CPNE8: variants seen among roughly 807,000 people sequenced by gnomAD.
The protein encoded by CPNE8 is copine 8.
A neutral mutation model predicts 81.5 loss-of-function variants in CPNE8; 45 were observed. The observed-to-expected ratio is 0.55, with a 90% confidence interval of 0.44 to 0.71. CPNE8 has a LOEUF of 0.71. Among genes scored for constraint, CPNE8 ranks in the 30% least tolerant of loss-of-function variants. The pLI is 0.00. For synonymous variants in CPNE8, 252 were observed against 226.3 expected, an observed-to-expected ratio of 1.11 and a Z score of -1.02; for missense variants, 594 against 672.1, an observed-to-expected ratio of 0.88 and a Z score of 1.28.
At chr12:38,884,954 C>G (rs1025938254) in intron 1 of CPNE8, among the ~76,000 whole-genome samples, 1 of 152,072 alleles carries the variant, frequency 6.6e-6, no homozygotes, top group Non-Finnish European at 1.5e-5. Flanking sequence ...TGAGATTTAA[C>G]TCTACAGTCT....
intron 10 of CPNE8, among the ~76,000 whole-genome samples, chr12:38,736,014 T>A (rs1316930131): frequency 1.3e-5 from 2 of 151,882 alleles, no homozygotes; most frequent in Admixed American, 6.6e-5. Flanking sequence ...TAGATTACAA[T>A]AGTACTCTGG....
At position 38,905,530 on chromosome 12, in the gene CPNE8, T is replaced by C; in HGVS notation, c.5A>G (p.Asp2Gly). 5 of 1,562,960 alleles carry C rather than the reference T, an allele frequency of 3.2e-6. No homozygotes were observed. Among genetic ancestry groups the C allele is most frequent in the Non-Finnish European group, 4.3e-6 (5 of 1,153,808 alleles). The change falls in exon 1 of 20, where the codon GAC becomes GGC. Residue 2 changes from aspartate to glycine, a missense_variant. Asp to Gly is a moderately conservative substitution (Grantham distance 94). Transcript: ENST00000331366. M[D>G]SRYNSTAGIG... ...GCCCGCAGTGCTGTTGTAGCGGCTG[T>C]CCATATTGGGAGGAGGCGCCTTGGA... is the stretch of plus-strand genomic sequence containing the variant.
chr12:38,655,441 T>C (rs1436962807), intron 19 of CPNE8, among the ~76,000 whole-genome samples: 3 of 152,182 alleles, frequency 2.0e-5, no homozygotes, highest in Admixed American at 2.0e-4. Context: ...CAGTAATTTT[T>C]GGTCTTCAGA....
intron 15 of CPNE8, among the ~76,000 whole-genome samples, chr12:38,693,447 G>A (rs1939723525): frequency 6.6e-6 from 1 of 152,088 alleles, no homozygotes; most frequent in South Asian, 2.1e-4. Context: ...TTGTAAATCA[G>A]GTGGGTGCAC....
chr12:38,724,888 G>C lies in CPNE8; in HGVS notation c.810C>G (p.Pro270=). The C allele has an allele frequency of 6.6e-7, 1 of 1,517,798 alleles. No homozygotes were observed. The highest frequency in any genetic ancestry group is 9.1e-7 in the Non-Finnish European group (1 of 1,103,464). 94.0% of individuals were successfully genotyped at this position (1,517,798 alleles called of 1,614,324 possible). A position where few individuals can be genotyped will look rare whatever the true frequency, so the allele number is the denominator to read the frequency against. ...ATTTTTTCTTTTTTCCTTTCTTTTT[G>C]GGATTCACCACCTTAAAAAGCAGAT... ...SQFNVYEVVN[P]KKKGKKKKYT... Residue 270 remains proline, a synonymous_variant, in exon 12 of 20, where the codon CCC becomes CCG. Coordinates refer to ENST00000331366, the MANE Select transcript of CPNE8 (RefSeq NM_153634.3).
intron 14 of CPNE8, among the ~76,000 whole-genome samples, chr12:38,702,394 T>C (rs187712445): frequency 1.3e-5 from 2 of 152,272 alleles, no homozygotes; most frequent in East Asian, 3.9e-4. Flanking sequence ...CATAAGTAAT[T>C]ATTAAAAATT....
chr12:38,902,423 A>AAGAAAGAAAGAAAGAAAG (rs1944503868), intron 1 of CPNE8, among the ~76,000 whole-genome samples: 1 of 118,088 alleles, frequency 8.5e-6, no homozygotes, highest in Non-Finnish European at 1.6e-5. Flanking sequence ...AAGAAAAAGA[A>AAGAAAGAAAGAAAGAAAG]AGAAAGAAAG....
At chr12:38,874,634 C>T in intron 1 of CPNE8, 123 bp from the exon 2 acceptor site, 1 of 556,258 alleles carries the variant, frequency 1.8e-6, no homozygotes, top group Non-Finnish European at 3.2e-6. Context: ...CATACACACA[C>T]ATATACATAT....
At position 38,684,897 on chromosome 12, in the gene CPNE8, T is replaced by C. The variant is rs536374250; in HGVS notation, c.1271+593A>G. Among the ~76,000 whole-genome samples the C allele has an allele frequency of 1.8e-4, 28 of 152,286 alleles. No individual in the cohort carries two copies. The South Asian group carries it at 5.8e-3, about 32-fold the overall frequency. On this transcript the variant is annotated intron_variant, in intron 16 of 19. Coordinates refer to ENST00000331366, the MANE Select transcript of CPNE8 (RefSeq NM_153634.3). ...TGTACTAACGAAAAAATGATAAGTA[T>C]GTATAGATTTATTTTTAACATTTTA...
At chr12:38,707,845 T>C (rs1384440109) in intron 13 of CPNE8, among the ~76,000 whole-genome samples, 1 of 152,188 alleles carries the variant, frequency 6.6e-6, no homozygotes, top group Non-Finnish European at 1.5e-5. Flanking sequence ...CCATTGAGAT[T>C]TTTCTACTTA....
intron 7 of CPNE8, among the ~76,000 whole-genome samples, chr12:38,768,320 A>T (rs897012425): frequency 6.6e-6 from 1 of 152,112 alleles, no homozygotes; most frequent in Non-Finnish European, 1.5e-5. Flanking sequence ...CTGAAATTAC[A>T]ATTTGCATGT....
intron 1 of CPNE8, among the ~76,000 whole-genome samples, chr12:38,888,902 T>A: frequency 6.6e-6 from 1 of 152,234 alleles, no homozygotes; most frequent in East Asian, 1.9e-4. Context: ...CCAGCCATGG[T>A]TCCTGTTCAT....
rs201179584 is a variant in CPNE8 at position 38,853,619 on chromosome 12, G to A, written c.187-4957C>T. ...AAATTTGTTAAAACCAGAAAACACT[G>A]TTCCTTTTAAAATTCCAAGCAAAAA... On this transcript the variant is annotated intron_variant, in intron 3 of 19. Transcript: ENST00000331366. Among the ~76,000 whole-genome samples the A allele has an allele frequency of 4.6e-5, 7 of 152,144 alleles. No homozygotes were observed. The East Asian group carries it at 1.3e-3, about 29-fold the overall frequency.
At chr12:38,713,838 T>C (rs1940321045) in intron 13 of CPNE8, among the ~76,000 whole-genome samples, 1 of 152,116 alleles carries the variant, frequency 6.6e-6, no homozygotes, top group Admixed American at 6.6e-5. Context: ...TTTCAAAGGA[T>C]AAAAATGACA....
rs12322751 is a variant in CPNE8 at position 38,780,620 on chromosome 12, C to T, written c.408-4319G>A. On this transcript the variant is annotated intron_variant, in intron 6 of 19. Transcript: ENST00000331366. Reference sequence around the variant, plus strand: ...CCAGACAGAAAAGACAGATGATCGACAAAGATATGATCTACAAAGATTAAA... The same window carrying T: ...CCAGACAGAAAAGACAGATGATCGATAAAGATATGATCTACAAAGATTAAA... Among the ~76,000 whole-genome samples the T allele has an allele frequency of 5.1e-3, 771 of 151,956 alleles. 8 individuals carry two copies. The highest frequency in any genetic ancestry group is 0.018 in the African/African-American group (743 of 41,506).
At chr12:38,684,602 G>C (rs552604421) in intron 16 of CPNE8, among the ~76,000 whole-genome samples, 2 of 152,056 alleles carry the variant, frequency 1.3e-5, no homozygotes, top group African/African-American at 2.4e-5. Context: ...CATTTTGTCC[G>C]TGTCCCAGAT....
In CPNE8 at chr12:38,842,237, T is replaced by C. The variant is rs947747574; in HGVS notation, c.291-2282A>G. ...AAGAAATGTTTCTTATATAAGAAAA[T>C]TTTTTTAAAGGTAAGATTGAAATTA... On this transcript the variant is annotated intron_variant, in intron 4 of 19. Transcript: ENST00000331366. 2.6e-5 allele frequency among the ~76,000 whole-genome samples: 4 copies of C among 152,134 alleles called. No homozygotes were observed. In the South Asian group the frequency reaches 8.3e-4, roughly 32 times the overall value.
Position 38,685,594 on chromosome 12 carries a change from G to A in CPNE8, c.1167C>T (p.Tyr389=). 1 of 1,613,380 alleles carries A rather than the reference G, an allele frequency of 6.2e-7. No individual in the cohort carries two copies. Among genetic ancestry groups the A allele is most frequent in the Non-Finnish European group, 8.5e-7 (1 of 1,179,548 alleles). The change falls in exon 16 of 20, where the codon TAC becomes TAT. Residue 389 remains tyrosine, a synonymous_variant. Coordinates refer to ENST00000331366, the MANE Select transcript of CPNE8 (RefSeq NM_153634.3). ...FALNGNPQNP[Y]CDGIEGVMEA... is the part of the protein sequence containing the mutation. The stretch of plus-strand genomic sequence containing the variant: ...CCATGACCCCCTCAATGCCATCACA[G>A]TAGGGGTTTTGAGGATTCCCATTCT...
intron 19 of CPNE8, among the ~76,000 whole-genome samples, chr12:38,655,900 T>C (rs1938804800): frequency 6.6e-6 from 1 of 151,994 alleles, no homozygotes; most frequent in Admixed American, 6.6e-5. Context: ...AGAGCAGTTT[T>C]TAGAAATAGG....
Sources: gnomAD v4.1 joint callset for allele counts (sites outside exome capture counted in the v4.1 genomes callset) on GRCh38, gnomAD v4.1.1 for gene constraint, MANE v1.5 for transcripts, NCBI Gene and HGNC (gene_info 2026-07-23, HGNC 2026-07-21) for gene names.